AREL1: variants seen among roughly 807,000 people sequenced by gnomAD.
AREL1 encodes the protein apoptosis-resistant E3 ubiquitin protein ligase 1.
In AREL1, 62 loss-of-function variants were observed where a neutral mutation model predicts 99.0. That is an observed-to-expected ratio of 0.63 (90% CI 0.51 to 0.77). The LOEUF is 0.77. Ranked by LOEUF, AREL1 falls within the 30% of genes least tolerant of loss-of-function variation. The pLI, the probability that AREL1 is intolerant of heterozygous loss-of-function variation, is 0.00. For missense variants in AREL1, 879 were observed against 1,027.6 expected (o/e 0.86, Z 1.98); for synonymous variants, 380 against 376.5 (o/e 1.01, Z -0.11).
Position 74,667,540 on chromosome 14 carries a change from T to C in AREL1, c.1969A>G (p.Ile657Val). 6.2e-7 allele frequency: 1 copy of C among 1,613,906 alleles called. No homozygotes were observed. The highest frequency in any genetic ancestry group is 8.5e-7 in the Non-Finnish European group (1 of 1,179,894). The change falls in exon 16 of 20, where the codon ATC becomes GTC. Residue 657 changes from isoleucine (I) to valine (V), a missense_variant. By Grantham distance (29) the Ile-to-Val change is conservative. Coordinates refer to ENST00000356357, the MANE Select transcript of AREL1 (RefSeq NM_001039479.2). ...TGGGCCAGCAAATTTAAATAGAAGATTTTATTCGCATTGGTGACTGGAGTT... is the reference window on the plus strand; with the variant it reads ...TGGGCCAGCAAATTTAAATAGAAGACTTTATTCGCATTGGTGACTGGAGTT... ...AQTPVTNANK[I>V]FYLNLLAQYR...
At chr14:74,710,886 T>C (rs986466326) in intron 1 of AREL1, among the ~76,000 whole-genome samples, 1 of 152,208 alleles carries the variant, frequency 6.6e-6, no homozygotes, top group African/African-American at 2.4e-5. Flanking sequence ...GAAAACTTAA[T>C]GTTTTGAGGT....
At chr14:74,688,125 G>A (rs897065789) in intron 2 of AREL1, among the ~76,000 whole-genome samples, 8 of 147,178 alleles carry the variant, frequency 5.4e-5, no homozygotes, top group East Asian at 2.0e-4. Context: ...TCCCGGGTTC[G>A]CGCCATTCTC....
intron 1 of AREL1, among the ~76,000 whole-genome samples, chr14:74,707,341 C>T (rs915250137): frequency 2.0e-5 from 3 of 151,364 alleles, no homozygotes; most frequent in Non-Finnish European, 4.4e-5. Flanking sequence ...GCACTCCAGC[C>T]TGGGTGACAA....
In AREL1 at chr14:74,665,270, C is replaced by CA. The variant is rs1555357522; in HGVS notation, c.2104-346_2104-345insT. Among the ~76,000 whole-genome samples the CA allele has an allele frequency of 3.2e-4, 43 of 136,390 alleles. No homozygotes were observed. The East Asian group carries it at 8.4e-3, about 27-fold the overall frequency. The allele number at this position is 136,390 out of a possible 152,430, so 89.5% of individuals were successfully genotyped here. A position where few individuals can be genotyped will look rare whatever the true frequency, so the allele number is the denominator to read the frequency against. The stretch of plus-strand genomic sequence containing the variant: ...AATTGCTCAGGTATTTCTTTCTTTT[C>CA]TTTTTTTTTTTTTTTTTGAGACGGA... On this transcript the variant is annotated intron_variant, in intron 17 of 19. Transcript: ENST00000356357.
intron 1 of AREL1, among the ~76,000 whole-genome samples, chr14:74,707,828 G>A (rs1431557410): frequency 1.3e-5 from 2 of 150,330 alleles, no homozygotes; most frequent in East Asian, 3.9e-4. Flanking sequence ...ATGGTGGCGG[G>A]CGCCTATAGT....
chr14:74,712,845 C>T (rs952251693), intron 1 of AREL1, 88 bp downstream of exon 1: 1 of 440,648 alleles, frequency 2.3e-6, no homozygotes, highest in Non-Finnish European at 4.3e-6. Flanking sequence ...GGAGTCTGAA[C>T]CCCCCTACCC....
At chr14:74,703,998 T>C (rs1185537602) in intron 1 of AREL1, among the ~76,000 whole-genome samples, 1 of 152,224 alleles carries the variant, frequency 6.6e-6, no homozygotes, top group Admixed American at 6.5e-5. Flanking sequence ...CAACACTTGG[T>C]ACTGTCTTAA....
chr14:74,671,203 C>T (rs2139872016), intron 12 of AREL1, among the ~76,000 whole-genome samples: 1 of 151,730 alleles, frequency 6.6e-6, no homozygotes, highest in South Asian at 2.1e-4. Context: ...ACAAGCTCCT[C>T]AATGCCATCC....
At position 74,683,262 on chromosome 14, in the gene AREL1, G is replaced by A. The variant is rs759656193; in HGVS notation, c.481+34C>T. The stretch of plus-strand genomic sequence containing the variant: ...GGATGGAAAGAGAGAGAGGGAAGGA[G>A]ACAAAGGGAAAAAGAAAGGAAAAAA... On this transcript the variant is annotated intron_variant, in intron 5 of 19. Coordinates refer to ENST00000356357, the MANE Select transcript of AREL1 (RefSeq NM_001039479.2). 4.7e-6 allele frequency: 7 copies of A among 1,479,812 alleles called. No homozygotes were observed. In the Admixed American group the frequency reaches 6.9e-5, roughly 15 times the overall value. The allele number at this position is 1,479,812 out of a possible 1,614,324, so 91.7% of individuals were successfully genotyped here. A position where few individuals can be genotyped will look rare whatever the true frequency, so the allele number is the denominator to read the frequency against.
chr14:74,685,491 G>C (rs1161064352), intron 3 of AREL1, 109 bp downstream of exon 3: 5 of 1,324,494 alleles, frequency 3.8e-6, no homozygotes, highest in Non-Finnish European at 5.4e-6. Context: ...GGCACGACTA[G>C]AAATATTTTC....
intron 5 of AREL1, chr14:74,678,285 C>A (rs1242791662): frequency 1.3e-5 from 6 of 446,064 alleles, no homozygotes; most frequent in Non-Finnish European, 2.2e-5. Flanking sequence ...TTACTTGAGT[C>A]CAGGAGTTCG....
intron 1 of AREL1, among the ~76,000 whole-genome samples, chr14:74,700,058 G>A (rs763623215): frequency 6.6e-6 from 1 of 152,174 alleles, no homozygotes; most frequent in Non-Finnish European, 1.5e-5. Flanking sequence ...TCTACCTGAA[G>A]GACTCACTGG....
Position 74,684,615 on chromosome 14 carries a change from G to T in AREL1, c.82C>A (p.Arg28Ser), listed in dbSNP as rs757606025. The change falls in exon 4 of 20, where the codon CGT (arginine) becomes AGT (serine). Residue 28 changes from arginine (R) to serine (S), a missense_variant. By Grantham distance (110) the Arg-to-Ser change is moderately radical. Coordinates refer to ENST00000356357, the MANE Select transcript of AREL1 (RefSeq NM_001039479.2). ...TCATTCTGGAGGAAGCTGACTACAC[G>T]TGCGGCAAGCTCAAAGAGGAACTTA... The part of the protein sequence containing the change: ...TIKFLFELAA[R>S]VVSFLQNEDR... 6.2e-7 allele frequency: 1 copy of T among 1,614,164 alleles called. No homozygotes were observed. The highest frequency in any genetic ancestry group is 1.1e-5 in the South Asian group (1 of 91,082).
chr14:74,693,338 C>G (rs1330381739), intron 1 of AREL1, among the ~76,000 whole-genome samples: 2 of 152,254 alleles, frequency 1.3e-5, no homozygotes, highest in Non-Finnish European at 2.9e-5. Flanking sequence ...TACTACGAGT[C>G]AGGGGAAAAT....
chr14:74,678,695 C>CAAAAA (rs71119311), intron 5 of AREL1, among the ~76,000 whole-genome samples: 7 of 95,386 alleles, frequency 7.3e-5, no homozygotes, highest in African/African-American at 1.2e-4. Flanking sequence ...CATGTATAAG[C>CAAAAA]AAAAAAAAAA....
chr14:74,670,233 T>C, intron 13 of AREL1, 107 bp from the exon 14 acceptor site: 1 of 1,204,962 alleles, frequency 8.3e-7, no homozygotes, highest in Non-Finnish European at 1.1e-6. Context: ...GATGTCACTG[T>C]GAGGATCAGA....
intron 1 of AREL1, among the ~76,000 whole-genome samples, chr14:74,700,147 G>C (rs905116334): frequency 6.6e-6 from 1 of 152,254 alleles, no homozygotes; most frequent in Non-Finnish European, 1.5e-5. Flanking sequence ...TCTGAAGGAT[G>C]ATGATAACAA....
In AREL1 at chr14:74,662,759, G is replaced by C. The variant is rs994945856; in HGVS notation, c.*961C>G. The C allele has an allele frequency of 5.0e-6, 2 of 396,544 alleles. No individual in the cohort carries two copies. Among genetic ancestry groups the C allele is most frequent in the Admixed American group, 8.8e-5 (2 of 22,652 alleles). The allele number at this position is 396,544 out of a possible 1,614,324, so 24.6% of individuals were successfully genotyped here. A position where few individuals can be genotyped will look rare whatever the true frequency, so the allele number is the denominator to read the frequency against. On this transcript the variant is annotated 3_prime_UTR_variant, in exon 20 of 20. Coordinates refer to ENST00000356357, the MANE Select transcript of AREL1 (RefSeq NM_001039479.2). ...AGAACACCAAGCAGAGAGAGAATCA[G>C]GGATTGCTGGCATACTATTCTTACT...
At chr14:74,699,966 C>A (rs1040871443) in intron 1 of AREL1, among the ~76,000 whole-genome samples, 1 of 152,214 alleles carries the variant, frequency 6.6e-6, no homozygotes, top group African/African-American at 2.4e-5. Context: ...ACAGACCAGG[C>A]TGCTGGGTTG....
Sources: gnomAD v4.1 joint callset for allele counts (sites outside exome capture counted in the v4.1 genomes callset) on GRCh38, gnomAD v4.1.1 for gene constraint, MANE v1.5 for transcripts, NCBI Gene and HGNC (gene_info 2026-07-23, HGNC 2026-07-21) for gene names.